CSMD1: variants seen among roughly 807,000 people sequenced by gnomAD.
CSMD1 encodes CUB and Sushi multiple domains 1.
A neutral mutation model predicts 417.5 loss-of-function variants in CSMD1; 213 were observed. That is an observed-to-expected ratio of 0.51 (90% CI 0.46 to 0.57). The LOEUF (loss-of-function observed/expected upper bound fraction) is 0.57. CSMD1 is among the 20% of genes least tolerant of loss of function. CSMD1 has a pLI of 0.00. For missense variants in CSMD1, 6,923 were observed against 4,529.7 expected, an observed-to-expected ratio of 1.53 and a Z score of -15.17; for synonymous variants, 2,862 against 1,736.8, an observed-to-expected ratio of 1.65 and a Z score of -16.11.
chr8:3,528,870 T>G (rs974081631), intron 10 of CSMD1, among the ~76,000 whole-genome samples: 1 of 152,238 alleles, frequency 6.6e-6, no homozygotes, highest in Non-Finnish European at 1.5e-5. Context: ...TTTAATACTC[T>G]GTATGTATTA....
chr8:3,284,431 G>C (rs3802298), intron 25 of CSMD1, 85 bp from the exon 26 acceptor site: 1 of 996,564 alleles, frequency 1.0e-6, no homozygotes, highest in African/African-American at 1.6e-5. Flanking sequence ...AGCTCATTTC[G>C]CTTTCACACA....
At chr8:4,447,913 G>A (rs977116296) in intron 2 of CSMD1, among the ~76,000 whole-genome samples, 1 of 152,152 alleles carries the variant, frequency 6.6e-6, no homozygotes, top group Non-Finnish European at 1.5e-5. Context: ...TCATCTTTCG[G>A]AAATGACGAC....
chr8:4,533,042 C>G (rs923886991), intron 2 of CSMD1, among the ~76,000 whole-genome samples: 1 of 152,220 alleles, frequency 6.6e-6, no homozygotes, highest in African/African-American at 2.4e-5. Context: ...CTCCCTAGAT[C>G]CCAGGCAACC....
chr8:3,936,614 G>T (rs1472720440), intron 5 of CSMD1, among the ~76,000 whole-genome samples: 3 of 152,132 alleles, frequency 2.0e-5, no homozygotes, highest in Non-Finnish European at 2.9e-5. Flanking sequence ...TAAGGCCACT[G>T]TTGAGACGTA....
intron 3 of CSMD1, among the ~76,000 whole-genome samples, chr8:4,311,988 A>C (rs1243630913): frequency 6.6e-6 from 1 of 152,206 alleles, no homozygotes; most frequent in Non-Finnish European, 1.5e-5. Context: ...AAAATTATTC[A>C]GCATATAAAA....
intron 10 of CSMD1, among the ~76,000 whole-genome samples, chr8:3,538,849 G>A (rs115463898): frequency 0.011 from 1,693 of 152,190 alleles, 30 homozygotes; most frequent in East Asian, 0.052. Context: ...GTGCTGCTGC[G>A]GTCTTCCTAA....
Position 3,887,292 on chromosome 8 carries a change from A to G in CSMD1, c.818+110611T>C, listed in dbSNP as rs374758583. Among the ~76,000 whole-genome samples, 63 of 152,314 alleles carry G rather than the reference A, an allele frequency of 4.1e-4. No individual in the cohort carries two copies. The South Asian group carries it at 0.013, about 32-fold the overall frequency. On this transcript the variant is annotated intron_variant, in intron 5 of 69. Transcript: ENST00000635120. ...CACAACCACCTGGGAGGCCCACGGT[A>G]CATCCTCCCCCCATCGCCAGGTGAT... is the stretch of plus-strand genomic sequence containing the variant.
rs1013686700 is a variant in CSMD1 at position 4,726,020 on chromosome 8, G to C, written c.86-88462C>G. ...CTAGTTGTAAGAATTTTCTCATAAT[G>C]GATTTTTCTGGTCACGGTGTGAGTT... On this transcript the variant is annotated intron_variant, in intron 1 of 69. Transcript: ENST00000635120. 8.5e-5 allele frequency among the ~76,000 whole-genome samples: 13 copies of C among 152,136 alleles called. No individual in the cohort carries two copies. In the South Asian group the frequency reaches 1.5e-3, roughly 17 times the overall value.
chr8:4,803,099 C>A (rs1346295704), intron 1 of CSMD1, among the ~76,000 whole-genome samples: 1 of 152,054 alleles, frequency 6.6e-6, no homozygotes, highest in Non-Finnish European at 1.5e-5. Context: ...ATTGCTTAGT[C>A]TTATTTAAAA....
At chr8:3,513,893 T>G (rs751237362) in intron 10 of CSMD1, among the ~76,000 whole-genome samples, 1 of 152,184 alleles carries the variant, frequency 6.6e-6, no homozygotes, top group Non-Finnish European at 1.5e-5. Flanking sequence ...ACAAAGGTTA[T>G]AACCACAGAA....
chr8:3,542,580 A>C (rs760141444), intron 10 of CSMD1, among the ~76,000 whole-genome samples: 18 of 152,178 alleles, frequency 1.2e-4, no homozygotes, highest in Non-Finnish European at 2.6e-4. Flanking sequence ...GAAAGAGCGT[A>C]CGTGCTGTGA....
chr8:4,751,376 G>A (rs571573302), intron 1 of CSMD1, among the ~76,000 whole-genome samples: 1 of 150,024 alleles, frequency 6.7e-6, no homozygotes, highest in Non-Finnish European at 1.5e-5. Context: ...GGACGACAGA[G>A]CAAGACTCTG....
intron 2 of CSMD1, among the ~76,000 whole-genome samples, chr8:4,555,601 G>A (rs1291976349): frequency 1.3e-5 from 2 of 152,140 alleles, no homozygotes; most frequent in East Asian, 1.9e-4. Context: ...GGTTTCAGCA[G>A]CTTATATCTC....
intron 5 of CSMD1, among the ~76,000 whole-genome samples, chr8:3,761,345 T>C (rs1797985715): frequency 6.6e-6 from 1 of 152,110 alleles, no homozygotes; most frequent in South Asian, 2.1e-4. Flanking sequence ...CCAATATTTC[T>C]AGAAATTTAA....
intron 2 of CSMD1, among the ~76,000 whole-genome samples, chr8:4,456,418 A>G (rs1223673929): frequency 6.6e-6 from 1 of 151,802 alleles, no homozygotes; most frequent in Non-Finnish European, 1.5e-5. Flanking sequence ...GACTTCTTAG[A>G]AAAAAAGTAT....
intron 1 of CSMD1, among the ~76,000 whole-genome samples, chr8:4,785,146 A>G (rs1487399954): frequency 2.0e-5 from 3 of 152,224 alleles, no homozygotes; most frequent in African/African-American, 7.2e-5. Flanking sequence ...TGGAAAAGAT[A>G]GCATGTTTCC....
At chr8:4,978,809 G>A (rs1028775498) in intron 1 of CSMD1, among the ~76,000 whole-genome samples, 1 of 152,118 alleles carries the variant, frequency 6.6e-6, no homozygotes, top group Non-Finnish European at 1.5e-5. Flanking sequence ...ATGGTGGCAG[G>A]TGCCTGTAAT....
intron 1 of CSMD1, among the ~76,000 whole-genome samples, chr8:4,827,586 C>T (rs778094736): frequency 6.6e-6 from 1 of 152,154 alleles, no homozygotes; most frequent in Non-Finnish European, 1.5e-5. Flanking sequence ...ATACAGCCTG[C>T]ATTTTCTTTG....
At chr8:3,752,728 C>G (rs1797421029) in intron 6 of CSMD1, among the ~76,000 whole-genome samples, 2 of 146,898 alleles carry the variant, frequency 1.4e-5, no homozygotes, top group Non-Finnish European at 3.0e-5. Flanking sequence ...AACGAATTTG[C>G]CCCTGGATTC....
Sources: gnomAD v4.1 joint callset for allele counts (sites outside exome capture counted in the v4.1 genomes callset) on GRCh38, gnomAD v4.1.1 for gene constraint, MANE v1.5 for transcripts, NCBI Gene and HGNC (gene_info 2026-07-23, HGNC 2026-07-21) for gene names.